GNAQ: variants seen among roughly 807,000 people sequenced by gnomAD.
GNAQ encodes the protein G protein subunit alpha q, also known as guanine nucleotide-binding protein G(q) subunit alpha.
GNAQ carries 8 observed loss-of-function variants against 43.9 expected under a neutral mutation model. The observed-to-expected ratio is 0.18, with a 90% CI of 0.11 to 0.33. The LOEUF is 0.33. Among genes scored for constraint, GNAQ ranks in the 10% least tolerant of loss-of-function variants. The pLI, the probability that GNAQ is intolerant of heterozygous loss-of-function variation, is 1.00. For synonymous variants in GNAQ, 155 were observed against 170.7 expected (o/e 0.91, Z 0.71); for missense variants, 158 against 450.8 (o/e 0.35, Z 5.88).
intron 6 of GNAQ, among the ~76,000 whole-genome samples, chr9:77,725,448 T>C (rs1185873680): frequency 6.6e-6 from 1 of 152,124 alleles, no homozygotes; most frequent in African/African-American, 2.4e-5. Context: ...TGTTTGCTCA[T>C]CTTACAAGGG....
At position 77,860,379 on chromosome 9, in the gene GNAQ, T is replaced by G. The variant is rs1191609668; in HGVS notation, c.322-44609A>C. On this transcript the variant is annotated intron_variant, in intron 2 of 6. Coordinates refer to ENST00000286548, the MANE Select transcript of GNAQ (RefSeq NM_002072.5). ...ATGACCCCATCTCACTGCCAGTGGT[T>G]CTCAAAAAAAGGCTGACTGCACTAC... 3.3e-5 allele frequency among the ~76,000 whole-genome samples: 5 copies of G among 152,272 alleles called. No individual in the cohort carries two copies. In the East Asian group the frequency reaches 9.7e-4, roughly 29 times the overall value.
chr9:77,852,868 A>G (rs374782863), intron 2 of GNAQ, among the ~76,000 whole-genome samples: 4 of 152,214 alleles, frequency 2.6e-5, no homozygotes, highest in African/African-American at 9.7e-5. Context: ...AGCAAGGCAC[A>G]GTGATTTCAT....
chr9:77,816,082 T>C (rs935539846), intron 2 of GNAQ, among the ~76,000 whole-genome samples: 3 of 152,158 alleles, frequency 2.0e-5, no homozygotes, highest in Non-Finnish European at 4.4e-5. Context: ...TTTCACATAT[T>C]ATCATAATCC....
At chr9:77,865,201 C>T (rs1418179953) in intron 2 of GNAQ, among the ~76,000 whole-genome samples, 1 of 152,162 alleles carries the variant, frequency 6.6e-6, no homozygotes, top group Non-Finnish European at 1.5e-5. Flanking sequence ...GCCACTGAGG[C>T]CAATCATCAG....
chr9:77,801,033 T>C (rs1294208678), intron 3 of GNAQ, among the ~76,000 whole-genome samples: 4 of 152,176 alleles, frequency 2.6e-5, no homozygotes. Context: ...TAATGGAAGG[T>C]GCTGTGGTGT....
chr9:77,734,355 C>T (rs1168742477), intron 5 of GNAQ, among the ~76,000 whole-genome samples: 1 of 152,150 alleles, frequency 6.6e-6, no homozygotes, highest in East Asian at 1.9e-4. Flanking sequence ...ACCTGTCTCT[C>T]CCGGGTGGTA....
chr9:77,742,655 A>G (rs1825672471), intron 5 of GNAQ, among the ~76,000 whole-genome samples: 1 of 152,206 alleles, frequency 6.6e-6, no homozygotes, highest in African/African-American at 2.4e-5. Flanking sequence ...CTCTTCCAGT[A>G]GCTATTAAAC....
chr9:77,737,045 T>C (rs1208909334), intron 5 of GNAQ, among the ~76,000 whole-genome samples: 1 of 152,240 alleles, frequency 6.6e-6, no homozygotes, highest in Admixed American at 6.5e-5. Flanking sequence ...CTTAACTCTT[T>C]CCTTTCCTTT....
chr9:77,761,863 C>A (rs1415101073), intron 5 of GNAQ, among the ~76,000 whole-genome samples: 1 of 92,162 alleles, frequency 1.1e-5, no homozygotes, highest in Non-Finnish European at 2.4e-5. Flanking sequence ...GGGGTCAGCC[C>A]CCCGCCTGGC....
intron 2 of GNAQ, among the ~76,000 whole-genome samples, chr9:77,919,714 C>G (rs796409814): frequency 2.6e-5 from 4 of 152,260 alleles, no homozygotes; most frequent in African/African-American, 9.6e-5. Flanking sequence ...GGGAGGTCAT[C>G]ACACTAAAGT....
chr9:77,772,684 G>C (rs763426712), intron 5 of GNAQ, among the ~76,000 whole-genome samples: 1 of 152,076 alleles, frequency 6.6e-6, no homozygotes, highest in Non-Finnish European at 1.5e-5. Context: ...CTTCACCCTG[G>C]TTCTTCCTGG....
At chr9:77,916,184 T>A (rs935525775) in intron 2 of GNAQ, among the ~76,000 whole-genome samples, 2 of 152,226 alleles carry the variant, frequency 1.3e-5, no homozygotes, top group African/African-American at 4.8e-5. Flanking sequence ...ATAAATTCAT[T>A]TTCTGCTTAA....
intron 2 of GNAQ, among the ~76,000 whole-genome samples, chr9:77,830,444 T>C (rs1300877040): frequency 2.0e-5 from 3 of 152,184 alleles, no homozygotes; most frequent in African/African-American, 7.2e-5. Context: ...CCAGGACTTG[T>C]CTGATGTCCC....
intron 3 of GNAQ, among the ~76,000 whole-genome samples, chr9:77,808,519 A>C (rs1826864287): frequency 6.6e-6 from 1 of 151,832 alleles, no homozygotes. Context: ...TCCTCTTCTG[A>C]GCTGGTTAAA....
chr9:78,000,382 G>C (rs574827495), intron 1 of GNAQ, among the ~76,000 whole-genome samples: 1 of 152,226 alleles, frequency 6.6e-6, no homozygotes, highest in East Asian at 1.9e-4. Context: ...CATTAAGAAA[G>C]ATTATGTGGC....
chr9:77,882,416 A>G (rs1276391750), intron 2 of GNAQ, among the ~76,000 whole-genome samples: 1 of 152,232 alleles, frequency 6.6e-6, no homozygotes, highest in Non-Finnish European at 1.5e-5. Context: ...CCAGCAAATT[A>G]CACTTCTAAG....
chr9:77,952,987 C>A (rs1299301203), intron 1 of GNAQ, among the ~76,000 whole-genome samples: 2 of 152,150 alleles, frequency 1.3e-5, no homozygotes, highest in African/African-American at 4.8e-5. Context: ...TGAATAAACA[C>A]AGAAAACTTG....
chr9:78,006,394 A>C (rs1337911236), intron 1 of GNAQ, among the ~76,000 whole-genome samples: 1 of 152,220 alleles, frequency 6.6e-6, no homozygotes, highest in African/African-American at 2.4e-5. Context: ...GGATCAACCA[A>C]AAACACTGTC....
chr9:77,855,804 C>A (rs1485266617), intron 2 of GNAQ, among the ~76,000 whole-genome samples: 1 of 151,656 alleles, frequency 6.6e-6, no homozygotes, highest in African/African-American at 2.4e-5. Flanking sequence ...AAAGTCATGA[C>A]TGGCTATAAT....
Sources: gnomAD v4.1 joint callset for allele counts (sites outside exome capture counted in the v4.1 genomes callset) on GRCh38, gnomAD v4.1.1 for gene constraint, MANE v1.5 for transcripts, NCBI Gene and HGNC (gene_info 2026-07-23, HGNC 2026-07-21) for gene names.